CPLANE1: variants seen among roughly 807,000 people sequenced by gnomAD.
CPLANE1 encodes ciliogenesis and planar polarity effector complex subunit 1.
In CPLANE1, 263 loss-of-function variants were observed where a neutral mutation model predicts 362.5. The observed-to-expected ratio is 0.73, with a 90% CI of 0.66 to 0.80. The LOEUF (loss-of-function observed/expected upper bound fraction) is 0.80. CPLANE1 is among the 30% of genes least tolerant of loss of function. The pLI is 0.00. For missense variants in CPLANE1, 3,461 were observed against 3,793.4 expected (o/e 0.91, Z 2.30); for synonymous variants, 1,212 against 1,302.6 (o/e 0.93, Z 1.50).
At position 37,209,864 on chromosome 5, in the gene CPLANE1, T is replaced by G; in HGVS notation, c.2921-3439A>C. Reference sequence around the variant, plus strand: ...TGGAAACTCAGACAAGTTCGACATTTAGCAGAGATTCTCTGGCTGAGAAGC... The same window carrying G: ...TGGAAACTCAGACAAGTTCGACATTGAGCAGAGATTCTCTGGCTGAGAAGC... On this transcript the variant is annotated intron_variant, in intron 16 of 52. Transcript: ENST00000651892. This position sits in a 1 kb window ranked among gnomAD's most constrained non-coding sequence, Gnocchi z 4.6. The G allele has an allele frequency of 2.9e-6, 4 of 1,376,316 alleles. No individual in the cohort carries two copies. Among genetic ancestry groups the G allele is most frequent in the Non-Finnish European group, 4.1e-6 (4 of 965,560 alleles). 85.3% of individuals were successfully genotyped at this position (1,376,316 alleles called of 1,614,324 possible).
intron 44 of CPLANE1, chr5:37,139,611 A>T: frequency 1.4e-6 from 1 of 719,556 alleles, no homozygotes; most frequent in Non-Finnish European, 1.8e-6. Context: ...AAGTGCAGCG[A>T]CATGGTCATG....
At chr5:37,176,264 G>A (rs912760577) in intron 30 of CPLANE1, among the ~76,000 whole-genome samples, 4 of 152,116 alleles carry the variant, frequency 2.6e-5, no homozygotes, top group African/African-American at 7.2e-5. Context: ...GGGGACATGA[G>A]GTTAGTTAAG....
At chr5:37,233,883 G>C (rs1357634079) in intron 8 of CPLANE1, among the ~76,000 whole-genome samples, 2 of 152,130 alleles carry the variant, frequency 1.3e-5, no homozygotes, top group Non-Finnish European at 2.9e-5. Context: ...GACTGGCTCA[G>C]TTGTTGTCCA....
At chr5:37,187,055 C>G (rs1261251869) in intron 23 of CPLANE1, among the ~76,000 whole-genome samples, 1 of 91,672 alleles carries the variant, frequency 1.1e-5, no homozygotes, top group Admixed American at 1.1e-4. Flanking sequence ...AGCGAGACTC[C>G]GTCTCAAAAA....
chr5:37,245,271 A>C lies in CPLANE1; in HGVS notation c.337+208T>G, dbSNP rs77735112. ...AATTTTCTTCTTCAAGTTGAGTCTCAGTATCACAGATAAACATAACCAAAA... is the reference window on the plus strand; with the variant it reads ...AATTTTCTTCTTCAAGTTGAGTCTCCGTATCACAGATAAACATAACCAAAA... On this transcript the variant is annotated intron_variant, in intron 4 of 52. Transcript: ENST00000651892. 0.014 allele frequency among the ~76,000 whole-genome samples: 1,909 copies of C among 140,746 alleles called. 46 individuals are homozygous for C. Among genetic ancestry groups the C allele is most frequent in the African/African-American group, 0.046 (1,786 of 39,048 alleles). The allele number at this position is 140,746 out of a possible 152,430, so 92.3% of individuals were successfully genotyped here.
intron 8 of CPLANE1, 49 bp from the exon 9 acceptor site, chr5:37,231,098 C>G: frequency 7.4e-7 from 1 of 1,343,914 alleles, no homozygotes; most frequent in East Asian, 2.7e-5. Context: ...TTTACAATGT[C>G]TATGACGATT....
chr5:37,180,260 GT>G (rs1303495140), intron 27 of CPLANE1, 77 bp from the exon 28 acceptor site: 6,697 of 654,678 alleles, frequency 0.01, no homozygotes, highest in South Asian at 0.015. Flanking sequence ...TTTTTTTTTT[GT>G]TTTTTTTTTT....
At chr5:37,123,203 A>C (rs1763140581) in intron 47 of CPLANE1, among the ~76,000 whole-genome samples, 1 of 152,242 alleles carries the variant, frequency 6.6e-6, no homozygotes, top group East Asian at 1.9e-4. Flanking sequence ...TATACACCAG[A>C]AGGCAAACAA....
At chr5:37,120,489 G>T in intron 49 of CPLANE1, 149 bp from the exon 50 acceptor site, 1 of 582,082 alleles carries the variant, frequency 1.7e-6, no homozygotes, top group Non-Finnish European at 2.8e-6. Context: ...AGGATCACTG[G>T]AACCCAGAGA....
intron 18 of CPLANE1, 81 bp from the exon 19 acceptor site, chr5:37,201,889 C>A: frequency 1.1e-6 from 1 of 921,044 alleles, no homozygotes. Flanking sequence ...AATTTCAAAT[C>A]TAAAAACATT....
intron 9 of CPLANE1, among the ~76,000 whole-genome samples, chr5:37,230,002 C>T (rs1365555944): frequency 4.0e-5 from 6 of 151,866 alleles, no homozygotes; most frequent in African/African-American, 1.5e-4. Flanking sequence ...CATGGTGAAA[C>T]CCCGTCTCTA....
At chr5:37,190,507 G>A (rs1785235266) in intron 21 of CPLANE1, among the ~76,000 whole-genome samples, 1 of 152,086 alleles carries the variant, frequency 6.6e-6, no homozygotes, top group Admixed American at 6.5e-5. Flanking sequence ...GAACCTGGGA[G>A]GTCAAGGCTG....
At chr5:37,167,633 C>A (rs1228986298) in intron 34 of CPLANE1, among the ~76,000 whole-genome samples, 1 of 152,126 alleles carries the variant, frequency 6.6e-6, no homozygotes, top group African/African-American at 2.4e-5. Context: ...AAAAAATTAT[C>A]CAGGCATTGT....
At chr5:37,120,068 G>A (rs531109570) in intron 50 of CPLANE1, 148 bp downstream of exon 50, 2 of 708,416 alleles carry the variant, frequency 2.8e-6, no homozygotes, top group South Asian at 2.1e-5. Context: ...AAAAATTACA[G>A]CTAAGTCTTT....
At chr5:37,154,483 T>A (rs1017817888) in intron 41 of CPLANE1, among the ~76,000 whole-genome samples, 2 of 132,828 alleles carry the variant, frequency 1.5e-5, no homozygotes, top group Non-Finnish European at 1.6e-5. Flanking sequence ...TTTTTTTTTT[T>A]AAGAGATAGA....
At chr5:37,079,491 T>A in the CPLANE1 span, among the ~76,000 whole-genome samples, 11 of 152,200 alleles carry the variant, frequency 7.2e-5, no homozygotes, top group Admixed American at 6.5e-5. Context: ...ATGTAAAAAG[T>A]TTCCCTTCAG....
At chr5:37,165,719 T>A in intron 35 of CPLANE1, 48 bp from the exon 36 acceptor site, 2 of 1,528,858 alleles carry the variant, frequency 1.3e-6, no homozygotes. Flanking sequence ...TATAGCAACA[T>A]TTGCTTTTCA....
intron 32 of CPLANE1, among the ~76,000 whole-genome samples, chr5:37,170,797 GT>G (rs1454871898): frequency 6.6e-6 from 1 of 152,160 alleles, no homozygotes; most frequent in Non-Finnish European, 1.5e-5. Flanking sequence ...TTAGCTGGGT[GT>G]GGTGGCACGG....
In CPLANE1 at chr5:37,120,268, A is replaced by C; in HGVS notation, c.9258T>G (p.Tyr3086Ter). ...GCCCAAAAGACTTCCTCTTATGGAT[A>C]TAACTCGGTTTGGACATATATTTGA... ...GKVKYMSKPS[Y>*]IHKRKSFGQP... The change falls in exon 50 of 53, where the codon TAT becomes TAG. Residue 3086 changes from tyrosine (Y) to a stop codon, truncating the protein, a stop_gained. Transcript: ENST00000651892. LOFTEE classifies it high-confidence loss of function. 6.2e-7 allele frequency: 1 copy of C among 1,602,506 alleles called. No individual in the cohort carries two copies. Among genetic ancestry groups the C allele is most frequent in the Non-Finnish European group, 8.5e-7 (1 of 1,176,518 alleles).
Sources: allele counts gnomAD v4.1 joint callset (sites outside exome capture counted in the v4.1 genomes callset), GRCh38; gene constraint gnomAD v4.1.1; non-coding constraint Gnocchi (gnomAD v3.1); transcripts MANE v1.5; gene names NCBI Gene and HGNC (gene_info 2026-07-23, HGNC 2026-07-21).